Variants in EDC3 observed in about 807,000 individuals in gnomAD.
EDC3 encodes enhancer of mRNA decapping 3.
In EDC3, 20 loss-of-function variants were observed where a neutral mutation model predicts 41.8. The ratio of observed to expected loss-of-function variants is 0.48; its 90% CI spans 0.34 to 0.70. The LOEUF (loss-of-function observed/expected upper bound fraction) is 0.70. Among genes scored for constraint, EDC3 ranks in the 30% least tolerant of loss-of-function variants. EDC3 has a pLI of 0.01. For synonymous variants in EDC3, 206 were observed against 243.2 expected (o/e 0.85, Z 1.42); for missense variants, 444 against 636.8 (o/e 0.70, Z 3.26).
At position 74,671,528 on chromosome 15, in the gene EDC3, G is replaced by A. The variant is rs1298614577; in HGVS notation, c.411C>T (p.Cys137=). ...DVAVSPQQQQ[C]SKSYVDRHME... is the part of the protein sequence containing the mutation. The stretch of plus-strand genomic sequence containing the variant: ...TGTGCCTGTCGACATAGCTCTTTGA[G>A]CACTGTTGCTGCTGCGGGGAAACGG... Residue 137 remains cysteine, a synonymous_variant, in exon 3 of 7, where the codon TGC becomes TGT. Coordinates refer to ENST00000315127, the MANE Select transcript of EDC3 (RefSeq NM_025083.5). This position sits in a 1 kb window ranked among gnomAD's most constrained non-coding sequence, Gnocchi z 4.6. The A allele has an allele frequency of 3.1e-6, 5 of 1,614,208 alleles. No individual in the cohort carries two copies. Among genetic ancestry groups the A allele is most frequent in the Admixed American group, 3.3e-5 (2 of 60,016 alleles).
At chr15:74,661,716 G>A (rs1398233282) in intron 3 of EDC3, among the ~76,000 whole-genome samples, 2 of 142,648 alleles carry the variant, frequency 1.4e-5, no homozygotes, top group South Asian at 2.2e-4. Context: ...GGGCGACAGG[G>A]CGAGACTCTG....
intron 1 of EDC3, among the ~76,000 whole-genome samples, chr15:74,688,233 G>A (rs2062961672): frequency 6.6e-6 from 1 of 152,214 alleles, no homozygotes; most frequent in Middle Eastern, 3.4e-3. Flanking sequence ...GTTCCTAATC[G>A]GACTAGGGAA....
At chr15:74,677,933 A>G (rs961722535) in intron 1 of EDC3, among the ~76,000 whole-genome samples, 4 of 152,248 alleles carry the variant, frequency 2.6e-5, no homozygotes, top group Non-Finnish European at 5.9e-5. Context: ...TGAGCTATCA[A>G]GCCATGAAAA....
At chr15:74,653,944 C>G (rs562407553) in intron 4 of EDC3, among the ~76,000 whole-genome samples, 3 of 152,136 alleles carry the variant, frequency 2.0e-5, no homozygotes, top group African/African-American at 7.2e-5. Context: ...CATAATCTTC[C>G]CAAGTTAAAA....
At chr15:74,684,117 C>CCTCCTGGG (rs1161721961) in intron 1 of EDC3, among the ~76,000 whole-genome samples, 3 of 142,008 alleles carry the variant, frequency 2.1e-5, no homozygotes, top group South Asian at 4.4e-4. Flanking sequence ...CTCACTGCAG[C>CCTCCTGGG]CTCCTGGGCT....
chr15:74,647,628 A>G lies in EDC3; in HGVS notation c.821-7009T>C, dbSNP rs538939990. 6.6e-5 allele frequency among the ~76,000 whole-genome samples: 10 copies of G among 152,302 alleles called. No individual in the cohort carries two copies. In the South Asian group the frequency reaches 2.1e-3, roughly 32 times the overall value. Reference sequence around the variant, plus strand: ...GATCATAACCAAGCCCTTCAGGCCTATGACAACCATCCACCCGATTATCCA... The same window carrying G: ...GATCATAACCAAGCCCTTCAGGCCTGTGACAACCATCCACCCGATTATCCA... On this transcript the variant is annotated intron_variant, in intron 4 of 6. Transcript: ENST00000315127.
chr15:74,671,919 G>A lies in EDC3; in HGVS notation c.165-145C>T, dbSNP rs903535762. ...TAGGAAAGGGGGCTGTGTGCTTAAG[G>A]ACAGGGGTCAGCCACCAACTATCCA... On this transcript the variant is annotated intron_variant, in intron 2 of 6. Coordinates refer to ENST00000315127, the MANE Select transcript of EDC3 (RefSeq NM_025083.5). The surrounding 1 kb of genome is among the most constrained non-coding windows in gnomAD (Gnocchi z 4.6). 1.3e-6 allele frequency: 1 copy of A among 785,150 alleles called. No homozygotes were observed. The highest frequency in any genetic ancestry group is 1.7e-5 in the African/African-American group (1 of 57,584). 48.6% of individuals were successfully genotyped at this position (785,150 alleles called of 1,614,324 possible). A position where few individuals can be genotyped will look rare whatever the true frequency, so the allele number is the denominator to read the frequency against.
chr15:74,666,560 T>C lies in EDC3; in HGVS notation c.484+4895A>G, dbSNP rs527950531. 8.5e-5 allele frequency among the ~76,000 whole-genome samples: 13 copies of C among 152,328 alleles called. No individual in the cohort carries two copies. The South Asian group carries it at 2.7e-3, about 32-fold the overall frequency. ...CAAAACGACATGAATGAATCTTAAA[T>C]GCATCTTGCTAAGTGAAAGAAGCCA... On this transcript the variant is annotated intron_variant, in intron 3 of 6. Coordinates refer to ENST00000315127, the MANE Select transcript of EDC3 (RefSeq NM_025083.5).
chr15:74,687,638 C>T (rs2141682034), intron 1 of EDC3, among the ~76,000 whole-genome samples: 1 of 152,266 alleles, frequency 6.6e-6, no homozygotes, highest in East Asian at 1.9e-4. Context: ...TCAGCCTCTG[C>T]ACTAGGATTA....
chr15:74,641,240 CATCT>C (rs1213920274), intron 4 of EDC3: 1 of 152,716 alleles, frequency 6.5e-6, no homozygotes, highest in African/African-American at 2.4e-5. Context: ...ATTTTCTCCC[CATCT>C]GAGTTGGGTG....
intron 1 of EDC3, among the ~76,000 whole-genome samples, chr15:74,676,707 A>T (rs1254233729): frequency 3.9e-5 from 6 of 152,228 alleles, no homozygotes; most frequent in African/African-American, 1.4e-4. Context: ...ATTAGGAGAA[A>T]ATATTTGTGA....
chr15:74,685,459 T>C (rs903771779), intron 1 of EDC3, among the ~76,000 whole-genome samples: 4 of 152,108 alleles, frequency 2.6e-5, no homozygotes, highest in African/African-American at 7.2e-5. Flanking sequence ...CCCACTAGAA[T>C]AGGACAAATG....
chr15:74,640,625 G>A lies in EDC3; in HGVS notation c.821-6C>T. On this transcript the variant is annotated splice_polypyrimidine_tract_variant and splice_region_variant and intron_variant, in intron 4 of 6. Coordinates refer to ENST00000315127, the MANE Select transcript of EDC3 (RefSeq NM_025083.5). ...TGGGACAACCAGGCCAGAGTCTGCA[G>A]TTCAAAAGGAGAAGAGAAAGGGAAA... The A allele has an allele frequency of 6.2e-7, 1 of 1,614,150 alleles. No homozygotes were observed. The highest frequency in any genetic ancestry group is 2.2e-5 in the East Asian group (1 of 44,874).
At chr15:74,650,289 G>A (rs1355290137) in intron 4 of EDC3, among the ~76,000 whole-genome samples, 2 of 152,190 alleles carry the variant, frequency 1.3e-5, no homozygotes, top group East Asian at 3.8e-4. Flanking sequence ...CTGGTCCAAA[G>A]CTATATTTTA....
At chr15:74,635,993 C>T (rs765282771) in intron 5 of EDC3, 3 of 250,508 alleles carry the variant, frequency 1.2e-5, no homozygotes, top group Non-Finnish European at 2.4e-5. Flanking sequence ...GGGCTGGTCT[C>T]ATCCTCTCCT....
intron 1 of EDC3, among the ~76,000 whole-genome samples, chr15:74,689,382 T>C (rs1431279395): frequency 1.3e-5 from 2 of 152,166 alleles, no homozygotes; most frequent in Non-Finnish European, 2.9e-5. Flanking sequence ...TCTTGCTTCA[T>C]TGATACTGTT....
chr15:74,671,726 T>C lies in EDC3; in HGVS notation c.213A>G (p.Gly71=), dbSNP rs1263846273. The change falls in exon 3 of 7, where the codon GGA becomes GGG. Residue 71 remains glycine, a synonymous_variant. Coordinates refer to ENST00000315127, the MANE Select transcript of EDC3 (RefSeq NM_025083.5). This position sits in a 1 kb window ranked among gnomAD's most constrained non-coding sequence, Gnocchi z 4.6. The part of the protein sequence containing the change: ...ELKILEIPGP[G]DNQHFGDLHQ... ...GAAGGTCTCCAAAATGTTGGTTGTC[T>C]CCAGGTCCTGGTATCTCCAGAATTT... 6.2e-7 allele frequency: 1 copy of C among 1,614,194 alleles called. No homozygotes were observed. The highest frequency in any genetic ancestry group is 8.5e-7 in the Non-Finnish European group (1 of 1,180,042).
intron 3 of EDC3, among the ~76,000 whole-genome samples, chr15:74,662,647 A>G (rs770250797): frequency 2.6e-5 from 4 of 152,190 alleles, no homozygotes; most frequent in African/African-American, 9.7e-5. Context: ...GAAAAACTTC[A>G]GTCATGTCCA....
chr15:74,681,761 A>G (rs1031570200), intron 1 of EDC3, among the ~76,000 whole-genome samples: 2 of 152,246 alleles, frequency 1.3e-5, no homozygotes, highest in African/African-American at 4.8e-5. Context: ...CTCAAAATGT[A>G]TCATGAACTT....
Sources: gnomAD v4.1 joint callset for allele counts (sites outside exome capture counted in the v4.1 genomes callset) on GRCh38, gnomAD v4.1.1 for gene constraint, Gnocchi (gnomAD v3.1) non-coding constraint, MANE v1.5 for transcripts, NCBI Gene and HGNC (gene_info 2026-07-23, HGNC 2026-07-21) for gene names.